FAM193B: variants seen among roughly 807,000 people sequenced by gnomAD.
The protein encoded by FAM193B is protein FAM193B.
In FAM193B, 27 loss-of-function variants were observed where a neutral mutation model predicts 70.7. That is an observed-to-expected ratio of 0.38 (90% CI 0.28 to 0.53). The LOEUF (loss-of-function observed/expected upper bound fraction) is 0.53. Among genes scored for constraint, FAM193B ranks in the 20% least tolerant of loss-of-function variants. The pLI is 0.81. For synonymous variants in FAM193B, 448 were observed against 436.0 expected, an observed-to-expected ratio of 1.03 and a Z score of -0.34; for missense variants, 1,022 against 1,072.5, an observed-to-expected ratio of 0.95 and a Z score of 0.66.
chr5:177,553,579 C>G, intron 1 of FAM193B: 1 of 1,168,626 alleles, frequency 8.6e-7, no homozygotes, highest in Non-Finnish European at 1.1e-6. Context: ...TCCTACTGTT[C>G]GCTCTCAGCA....
Position 177,519,812 on chromosome 5 carries a change from C to A in FAM193B, c.*371G>T, listed in dbSNP as rs774790010. 1 of 152,182 alleles carries A rather than the reference C, an allele frequency of 6.6e-6. No individual in the cohort carries two copies. The highest frequency in any genetic ancestry group is 1.5e-5 in the Non-Finnish European group (1 of 68,038). 9.4% of individuals were successfully genotyped at this position (152,182 alleles called of 1,614,324 possible). The stretch of plus-strand genomic sequence containing the variant: ...ACTCTGTGTCCAAATGTTGCTTTAT[C>A]TTTCGGCACGAAAGATCTTCACAGT... On this transcript the variant is annotated 3_prime_UTR_variant, in exon 9 of 9. Transcript: ENST00000514747.
At chr5:177,522,361 T>C (rs1338959092) in intron 7 of FAM193B, among the ~76,000 whole-genome samples, 1 of 152,180 alleles carries the variant, frequency 6.6e-6, no homozygotes, top group African/African-American at 2.4e-5. Flanking sequence ...GTCATTCCCT[T>C]AAGTACAGTC....
intron 5 of FAM193B, chr5:177,531,647 G>A (rs1763482128): frequency 3.5e-6 from 3 of 863,662 alleles, no homozygotes; most frequent in Non-Finnish European, 3.1e-6. Flanking sequence ...TAGCCACCAA[G>A]GCCACATGGC....
chr5:177,532,354 A>C lies in FAM193B; in HGVS notation c.1275+89T>G. The C allele has an allele frequency of 6.6e-7, 1 of 1,512,644 alleles. No individual in the cohort carries two copies. Among genetic ancestry groups the C allele is most frequent in the South Asian group, 1.3e-5 (1 of 79,578 alleles). 93.7% of individuals were successfully genotyped at this position (1,512,644 alleles called of 1,614,324 possible). A position where few individuals can be genotyped will look rare whatever the true frequency, so the allele number is the denominator to read the frequency against. ...CCCCAGCACGGTAATTACCACCGTG[A>C]GCAACGGGGTCTCTGGGGAGAGCAG... On this transcript the variant is annotated intron_variant, in intron 5 of 8. Coordinates refer to ENST00000514747, the MANE Select transcript of FAM193B (RefSeq NM_001190946.3). The surrounding 1 kb of genome is among the most constrained non-coding windows in gnomAD (Gnocchi z 4.9).
Position 177,523,947 on chromosome 5 carries a change from C to G in FAM193B, c.2372+10G>C. The G allele has an allele frequency of 6.2e-7, 1 of 1,613,598 alleles. No homozygotes were observed. The highest frequency in any genetic ancestry group is 1.1e-5 in the South Asian group (1 of 91,072). On this transcript the variant is annotated intron_variant, in intron 7 of 8. Transcript: ENST00000514747. Reference sequence around the variant, plus strand: ...CTCCACAAGTGGGAGAGCAGGCAGCCCACACCTACCTCTTAAAGTACTCCA... The same window carrying G: ...CTCCACAAGTGGGAGAGCAGGCAGCGCACACCTACCTCTTAAAGTACTCCA...
intron 5 of FAM193B, among the ~76,000 whole-genome samples, chr5:177,527,292 G>A (rs150687384): frequency 7.9e-5 from 12 of 152,350 alleles, no homozygotes; most frequent in Admixed American, 2.6e-4. Context: ...TCAGAAAGGA[G>A]AGGCTGAGAG....
In FAM193B at chr5:177,536,572, C is replaced by A; in HGVS notation, c.862G>T (p.Ala288Ser). 6.5e-7 allele frequency: 1 copy of A among 1,530,576 alleles called. No homozygotes were observed. Among genetic ancestry groups the A allele is most frequent in the Non-Finnish European group, 8.7e-7 (1 of 1,147,204 alleles). The allele number at this position is 1,530,576 out of a possible 1,614,324, so 94.8% of individuals were successfully genotyped here. A position where few individuals can be genotyped will look rare whatever the true frequency, so the allele number is the denominator to read the frequency against. The change falls in exon 4 of 9, where the codon GCC (alanine) becomes TCC (serine). Residue 288 changes from alanine to serine, a missense_variant. Transcript: ENST00000514747. ...LPTTPAAPFP[A>S]QASECPVAAA... ...GCAACAGGGCACTCTGAAGCCTGGG[C>A]AGGGAAAGGTGCTGCCGGGGTGGTG... is the stretch of plus-strand genomic sequence containing the variant.
rs534580655 is a variant in FAM193B at position 177,524,629 on chromosome 5, G to T, written c.1852C>A (p.Pro618Thr). 6.2e-7 allele frequency: 1 copy of T among 1,612,828 alleles called. No homozygotes were observed. Among genetic ancestry groups the T allele is most frequent in the South Asian group, 1.1e-5 (1 of 90,962 alleles). ...TCAGGCAGCTCCTGCTTGCAACTGG[G>T]AACTTCCTTTGAGCTTGGCTCCTCG... ...SSEEPSSKEV[P>T]SCKQELPEPV... is the part of the protein sequence containing the mutation. The change falls in exon 6 of 9, where the codon CCC becomes ACC. Residue 618 changes from proline to threonine, a missense_variant. Coordinates refer to ENST00000514747, the MANE Select transcript of FAM193B (RefSeq NM_001190946.3).
At chr5:177,540,724 T>G (rs546350622) in intron 1 of FAM193B, among the ~76,000 whole-genome samples, 1 of 152,086 alleles carries the variant, frequency 6.6e-6, no homozygotes, top group African/African-American at 2.4e-5. Context: ...TCATGAGAGA[T>G]AGAAAGTGGT....
chr5:177,532,588 A>G lies in FAM193B; in HGVS notation c.1130T>C (p.Leu377Pro). ...CTCATCTGCCTCGCAGGGCTGGGGC[A>G]GCTGGCAAGCCAGGCCACTGTGTGC... Reference protein sequence around the residue: ...KFAHSGLACQLPQPCEADEGL... With the variant: ...KFAHSGLACQPPQPCEADEGL... The change falls in exon 5 of 9, where the codon CTG becomes CCG. Residue 377 changes from leucine to proline, a missense_variant. Transcript: ENST00000514747. The surrounding 1 kb of genome is among the most constrained non-coding windows in gnomAD (Gnocchi z 4.9). 6.3e-7 allele frequency: 1 copy of G among 1,594,200 alleles called. No individual in the cohort carries two copies. The highest frequency in any genetic ancestry group is 8.5e-7 in the Non-Finnish European group (1 of 1,173,682).
chr5:177,551,964 C>T, intron 1 of FAM193B: 1 of 941,604 alleles, frequency 1.1e-6, no homozygotes, highest in East Asian at 1.2e-4. Flanking sequence ...ATAACTAGAA[C>T]CGAATTTACC....
rs1554123264 is a variant in FAM193B, at chr5:177,554,489, ACGCCGC to A, written c.-37_-32del. The A allele has an allele frequency of 3.2e-3, 1,961 of 605,808 alleles. 36 individuals are homozygous for A. The African/African-American group carries it at 0.043, about 13-fold the overall frequency. The allele number at this position is 605,808 out of a possible 1,614,324, so 37.5% of individuals were successfully genotyped here. A position where few individuals can be genotyped will look rare whatever the true frequency, so the allele number is the denominator to read the frequency against. Reference sequence around the variant, plus strand: ...CGCTCGCGCCGCTCCCTCGCTCCACACGCCGCCGCCGCCGCCGCCGCCGCCGCCGCC... The same window carrying A: ...CGCTCGCGCCGCTCCCTCGCTCCACACGCCGCCGCCGCCGCCGCCGCCGCC... On this transcript the variant is annotated 5_prime_UTR_variant, in exon 1 of 9. Coordinates refer to ENST00000514747, the MANE Select transcript of FAM193B (RefSeq NM_001190946.3).
chr5:177,533,390 C>T (rs1002563134), intron 4 of FAM193B, among the ~76,000 whole-genome samples: 8 of 151,762 alleles, frequency 5.3e-5, no homozygotes, highest in Admixed American at 3.9e-4. Context: ...CTGCAAACTC[C>T]GCCTCCCAGG....
chr5:177,530,387 T>TG (rs1358618878), intron 5 of FAM193B, among the ~76,000 whole-genome samples: 1 of 152,190 alleles, frequency 6.6e-6, no homozygotes, highest in Admixed American at 6.5e-5. Context: ...ACCACCATCT[T>TG]GCTGGTCACC....
At chr5:177,537,747 A>C in intron 3 of FAM193B, 126 bp downstream of exon 3, 4 of 1,372,038 alleles carry the variant, frequency 2.9e-6, no homozygotes, top group Non-Finnish European at 3.8e-6. Context: ...CCCTGCTTCC[A>C]CCAGAACAGT....
intron 5 of FAM193B, among the ~76,000 whole-genome samples, chr5:177,527,417 G>A (rs1162179517): frequency 4.6e-5 from 7 of 152,156 alleles, no homozygotes; most frequent in Admixed American, 2.6e-4. Context: ...GGTGGAGAGC[G>A]GTGGACTGGT....
chr5:177,528,086 G>A (rs1444521980), intron 5 of FAM193B, among the ~76,000 whole-genome samples: 1 of 152,140 alleles, frequency 6.6e-6, no homozygotes, highest in African/African-American at 2.4e-5. Context: ...CAGAAAGGAC[G>A]TCAGAGGGGC....
At chr5:177,547,806 A>C (rs928001483) in intron 1 of FAM193B, among the ~76,000 whole-genome samples, 2 of 152,064 alleles carry the variant, frequency 1.3e-5, no homozygotes, top group Non-Finnish European at 2.9e-5. Flanking sequence ...CTAAGCATGG[A>C]GGGGGAAATA....
chr5:177,544,498 TA>T (rs1050984711), intron 1 of FAM193B, among the ~76,000 whole-genome samples: 3 of 152,204 alleles, frequency 2.0e-5, no homozygotes, highest in Admixed American at 2.0e-4. Flanking sequence ...GAACAATGAA[TA>T]AAATGAGCCT....
Sources: gnomAD v4.1 joint callset for allele counts (sites outside exome capture counted in the v4.1 genomes callset) on GRCh38, gnomAD v4.1.1 for gene constraint, Gnocchi (gnomAD v3.1) non-coding constraint, MANE v1.5 for transcripts, NCBI Gene and HGNC (gene_info 2026-07-23, HGNC 2026-07-21) for gene names.